ATP8B4: variants seen among roughly 807,000 people sequenced by gnomAD.
The protein encoded by ATP8B4 is probable phospholipid-transporting ATPase IM.
Under a neutral mutation model 145.6 loss-of-function variants are expected in ATP8B4, and 133 were observed. That is an observed-to-expected ratio of 0.91 (90% confidence interval 0.79 to 1.05). The LOEUF is 1.05. ATP8B4 is among the 50% of genes least tolerant of loss of function. The probability of loss-of-function intolerance (pLI) is 0.00; values close to 1 mark genes in which losing one functional copy is unlikely to be tolerated. For missense variants in ATP8B4, 1,458 were observed against 1,425.2 expected (o/e 1.02, Z -0.37); for synonymous variants, 507 against 492.9 (o/e 1.03, Z -0.38).
chr15:50,134,444 T>C (rs1415377328), intron 1 of ATP8B4, among the ~76,000 whole-genome samples: 4 of 152,076 alleles, frequency 2.6e-5, no homozygotes, highest in Non-Finnish European at 5.9e-5. Flanking sequence ...GATTCCTGTA[T>C]ACAACAATAA....
intron 14 of ATP8B4, among the ~76,000 whole-genome samples, chr15:49,939,700 T>A (rs74945345): frequency 6.6e-6 from 1 of 152,130 alleles, no homozygotes; most frequent in South Asian, 2.1e-4. Context: ...ACCAATTCTA[T>A]TGAAACTACT....
At chr15:50,085,885 T>TTATATATGATATATATCATATA (rs2054898604) in intron 2 of ATP8B4, among the ~76,000 whole-genome samples, 2 of 69,396 alleles carry the variant, frequency 2.9e-5, no homozygotes, top group Non-Finnish European at 5.8e-5. Context: ...ATTTATATAT[T>TTATATATGATATATATCATATA]TATATATGAT....
At chr15:49,893,090 A>T (rs1005061858) in intron 23 of ATP8B4, among the ~76,000 whole-genome samples, 1 of 152,250 alleles carries the variant, frequency 6.6e-6, no homozygotes, top group African/African-American at 2.4e-5. Flanking sequence ...CCTGACTTCA[A>T]TTCAGATCAA....
At chr15:50,177,329 A>G (rs1380748290) in intron 1 of ATP8B4, among the ~76,000 whole-genome samples, 1 of 152,190 alleles carries the variant, frequency 6.6e-6, no homozygotes, top group Admixed American at 6.5e-5. Context: ...AAGACTCAAA[A>G]TCAGGTCTTC....
At chr15:49,997,561 T>C (rs1243892389) in intron 8 of ATP8B4, among the ~76,000 whole-genome samples, 2 of 152,032 alleles carry the variant, frequency 1.3e-5, no homozygotes, top group Non-Finnish European at 2.9e-5. Flanking sequence ...CATACCCTAG[T>C]CACCCAAGAT....
intron 10 of ATP8B4, among the ~76,000 whole-genome samples, chr15:49,986,647 T>G (rs559221975): frequency 6.6e-6 from 1 of 152,312 alleles, no homozygotes; most frequent in Admixed American, 6.5e-5. Flanking sequence ...TTGCACATAG[T>G]CAAGAGGCCC....
intron 1 of ATP8B4, among the ~76,000 whole-genome samples, chr15:50,173,009 TG>T (rs1887216138): frequency 1.4e-5 from 2 of 140,882 alleles, no homozygotes; most frequent in African/African-American, 2.7e-5. Context: ...GTCCGGGAGG[TG>T]GGGGGCAGCC....
intron 2 of ATP8B4, among the ~76,000 whole-genome samples, chr15:50,080,013 T>A (rs977567839): frequency 2.6e-5 from 4 of 152,246 alleles, no homozygotes; most frequent in African/African-American, 7.2e-5. Flanking sequence ...TTTGTCATTC[T>A]AGTGATCCAA....
chr15:49,971,892 C>T (rs537440223), intron 13 of ATP8B4, among the ~76,000 whole-genome samples: 1 of 152,222 alleles, frequency 6.6e-6, no homozygotes, highest in East Asian at 1.9e-4. Context: ...CAGTGATAGA[C>T]TGGATAAAGA....
intron 20 of ATP8B4, among the ~76,000 whole-genome samples, chr15:49,914,198 A>G (rs1353384261): frequency 3.3e-5 from 5 of 152,200 alleles, no homozygotes; most frequent in African/African-American, 1.2e-4. Context: ...TGGATTTTTG[A>G]CAAAGACACT....
chr15:50,024,711 C>T (rs2049875374), intron 6 of ATP8B4, among the ~76,000 whole-genome samples: 1 of 152,214 alleles, frequency 6.6e-6, no homozygotes, highest in Non-Finnish European at 1.5e-5. Context: ...CTTGCTGCAA[C>T]CTGGGGGCAG....
chr15:49,887,973 C>CTA (rs1262449827), intron 23 of ATP8B4, among the ~76,000 whole-genome samples: 4 of 152,214 alleles, frequency 2.6e-5, no homozygotes, highest in Non-Finnish European at 5.9e-5. Context: ...GATGAACTTA[C>CTA]TACCTCTTTG....
chr15:49,876,534 A>G lies in ATP8B4; in HGVS notation c.2782-11T>C, dbSNP rs756297962. The G allele has an allele frequency of 4.3e-5, 70 of 1,613,630 alleles. No individual in the cohort carries two copies. Among genetic ancestry groups the G allele is most frequent in the Non-Finnish European group, 5.8e-5 (69 of 1,179,762 alleles). On this transcript the variant is annotated splice_polypyrimidine_tract_variant and intron_variant, in intron 24 of 27. Transcript: ENST00000284509. ...CTGGTCACTCACATCCTGTAAACAG[A>G]GTGTAATTTCAGTGGAGAAGGATTA... is the stretch of plus-strand genomic sequence containing the variant.
chr15:50,173,497 A>G (rs530143755), intron 1 of ATP8B4, among the ~76,000 whole-genome samples: 1 of 152,312 alleles, frequency 6.6e-6, no homozygotes, highest in African/African-American at 2.4e-5. Flanking sequence ...TGAAGGCAGC[A>G]TACTGGTTAA....
At chr15:50,144,735 AT>A (rs770638121) in intron 1 of ATP8B4, among the ~76,000 whole-genome samples, 3 of 149,336 alleles carry the variant, frequency 2.0e-5, no homozygotes, top group Non-Finnish European at 4.5e-5. Flanking sequence ...AGATGACATC[AT>A]TTGCAATTAC....
At chr15:49,930,309 GA>G (rs2041135280) in intron 16 of ATP8B4, among the ~76,000 whole-genome samples, 1 of 152,012 alleles carries the variant, frequency 6.6e-6, no homozygotes, top group Non-Finnish European at 1.5e-5. Flanking sequence ...TTTTCTTAGA[GA>G]AATAGGAGAT....
At chr15:49,891,745 C>A (rs947782691) in intron 23 of ATP8B4, among the ~76,000 whole-genome samples, 1 of 152,152 alleles carries the variant, frequency 6.6e-6, no homozygotes, top group African/African-American at 2.4e-5. Context: ...CCCAAGATAG[C>A]AAGCAAGTCT....
At chr15:49,894,039 C>G (rs987470189) in intron 23 of ATP8B4, among the ~76,000 whole-genome samples, 14 of 152,232 alleles carry the variant, frequency 9.2e-5, no homozygotes, top group African/African-American at 3.4e-4. Flanking sequence ...CTGTCACTGA[C>G]TGGCTGTCCT....
At chr15:50,122,760 A>C (rs1292695255), upstream of ATP8B4, among the ~76,000 whole-genome samples, 2 of 152,284 alleles carry the variant, frequency 1.3e-5, no homozygotes, top group East Asian at 3.9e-4. Flanking sequence ...CTAGAAGCCC[A>C]CTTGAATCTC....
Sources: allele counts gnomAD v4.1 joint callset (sites outside exome capture counted in the v4.1 genomes callset), GRCh38; gene constraint gnomAD v4.1.1; transcripts MANE v1.5; gene names NCBI Gene and HGNC (gene_info 2026-07-23, HGNC 2026-07-21).